GGA1: variants seen among roughly 807,000 people sequenced by gnomAD.
GGA1 encodes the protein golgi associated, gamma adaptin ear containing, ARF binding protein 1.
GGA1 carries 18 observed loss-of-function variants against 76.9 expected under a neutral mutation model. The observed-to-expected ratio is 0.23, with a 90% CI of 0.16 to 0.35. The LOEUF (loss-of-function observed/expected upper bound fraction) is 0.35, where lower values mean the gene tolerates loss of function less well. Ranked by LOEUF, GGA1 falls within the 10% of genes least tolerant of loss-of-function variation. The pLI is 1.00. For missense variants in GGA1, 755 were observed against 859.0 expected, an observed-to-expected ratio of 0.88 and a Z score of 1.51; for synonymous variants, 342 against 354.7, an observed-to-expected ratio of 0.96 and a Z score of 0.40.
At position 37,625,979 on chromosome 22, in the gene GGA1, C is replaced by G; in HGVS notation, c.1093+30C>G. On this transcript the variant is annotated intron_variant, in intron 11 of 16. Coordinates refer to ENST00000343632, the MANE Select transcript of GGA1 (RefSeq NM_013365.5). The surrounding 1 kb of genome is among the most constrained non-coding windows in gnomAD (Gnocchi z 4.1). Reference sequence around the variant, plus strand: ...GGAAGGGGCCAGGCCTGGAGGAGGGCGGGCTCAGCAGCAGATGGGGCATGA... The same window carrying G: ...GGAAGGGGCCAGGCCTGGAGGAGGGGGGGCTCAGCAGCAGATGGGGCATGA... 1.3e-6 allele frequency: 2 copies of G among 1,537,238 alleles called. No homozygotes were observed. Among genetic ancestry groups the G allele is most frequent in the Non-Finnish European group, 1.8e-6 (2 of 1,135,964 alleles).
In GGA1 at chr22:37,608,881, G is replaced by A. The variant is rs993474031; in HGVS notation, c.21G>A (p.Pro7=). Residue 7 remains proline (P), a synonymous_variant, in exon 1 of 17, where the codon CCG becomes CCA. Transcript: ENST00000343632. MEPAME[P]ETLEARINRA... is the part of the protein sequence containing the mutation. ...GGCGGATGGAGCCCGCGATGGAGCCGGAGACTCTGGAGGCGCGAATCAGTG... is the reference window on the plus strand; with the variant it reads ...GGCGGATGGAGCCCGCGATGGAGCCAGAGACTCTGGAGGCGCGAATCAGTG... 1.5e-6 allele frequency: 2 copies of A among 1,309,914 alleles called. No homozygotes were observed. The highest frequency in any genetic ancestry group is 2.8e-4 in the Middle Eastern group (1 of 3,612). 81.1% of individuals were successfully genotyped at this position (1,309,914 alleles called of 1,614,324 possible).
intron 13 of GGA1, chr22:37,630,524 G>A (rs914285024): frequency 1.4e-5 from 6 of 439,202 alleles, no homozygotes; most frequent in Non-Finnish European, 2.4e-5. Flanking sequence ...ATAGCCACAC[G>A]TGCCAGCCTT....
At chr22:37,626,082 C>A (rs755668325) in intron 11 of GGA1, 133 bp downstream of exon 11, 2 of 604,070 alleles carry the variant, frequency 3.3e-6, no homozygotes, top group Non-Finnish European at 5.3e-6. Flanking sequence ...GAGCATTAGG[C>A]CCACTTCACA....
At chr22:37,627,627 C>T (rs1357305979) in intron 11 of GGA1, among the ~76,000 whole-genome samples, 5 of 152,202 alleles carry the variant, frequency 3.3e-5, no homozygotes, top group African/African-American at 7.2e-5. Flanking sequence ...GGCCACCAGC[C>T]CCCAGCCAGC....
intron 14 of GGA1, among the ~76,000 whole-genome samples, chr22:37,631,554 C>T (rs980996007): frequency 6.6e-6 from 1 of 152,194 alleles, no homozygotes; most frequent in East Asian, 1.9e-4. Flanking sequence ...TCTATGAGCT[C>T]CCTGTGACCA....
chr22:37,609,487 C>T (rs189818449), intron 1 of GGA1: 10 of 197,416 alleles, frequency 5.1e-5, no homozygotes, highest in Non-Finnish European at 9.7e-5. Flanking sequence ...TTGGGAGAGT[C>T]TTAGACTCCA....
chr22:37,620,330 C>G lies in GGA1; in HGVS notation c.396C>G (p.Ile132Met). The G allele has an allele frequency of 6.2e-7, 1 of 1,613,948 alleles. No individual in the cohort carries two copies. Among genetic ancestry groups the G allele is most frequent in the Non-Finnish European group, 8.5e-7 (1 of 1,179,966 alleles). Residue 132 changes from isoleucine to methionine, a missense_variant, in exon 5 of 17, where the codon ATC becomes ATG. Ile to Met is a conservative substitution (Grantham distance 10). Transcript: ENST00000343632. ...TGGGCCTGCCCGAGGAGGTGAAAATCGCAGAGGCCTACCAGATGCTAAAGA... is the reference window on the plus strand; with the variant it reads ...TGGGCCTGCCCGAGGAGGTGAAAATGGCAGAGGCCTACCAGATGCTAAAGA... ...WTVGLPEEVK[I>M]AEAYQMLKKQ...
Position 37,620,286 on chromosome 22 carries a change from C to T in GGA1, c.352C>T (p.Leu118Phe). ...SEKVKNKILELLYSWTVGLPE... is the reference protein window; with the variant it reads ...SEKVKNKILEFLYSWTVGLPE... Reference sequence around the variant, plus strand: ...GAAGGTGAAGAACAAGATCTTGGAGCTCCTCTACAGCTGGACAGTGGGCCT... The same window carrying T: ...GAAGGTGAAGAACAAGATCTTGGAGTTCCTCTACAGCTGGACAGTGGGCCT... Residue 118 changes from leucine to phenylalanine, a missense_variant, in exon 5 of 17, where the codon CTC (leucine) becomes TTC (phenylalanine). By Grantham distance (22) the Leu-to-Phe change is conservative. Coordinates refer to ENST00000343632, the MANE Select transcript of GGA1 (RefSeq NM_013365.5). 6.2e-7 allele frequency: 1 copy of T among 1,613,758 alleles called. No individual in the cohort carries two copies.
At chr22:37,630,327 C>T (rs145544714) in intron 13 of GGA1, 157 bp downstream of exon 13, 7,614 of 598,348 alleles carry the variant, frequency 0.013, 87 homozygotes, top group Middle Eastern at 0.029. Flanking sequence ...CCTCTGGAAA[C>T]ACAACAGTGC....
chr22:37,630,420 G>C, intron 13 of GGA1: 1 of 518,426 alleles, frequency 1.9e-6, no homozygotes, highest in Non-Finnish European at 3.4e-6. Flanking sequence ...GGCCGGCAGA[G>C]GGGAGGACAC....
At chr22:37,613,263 T>C in intron 1 of GGA1, 1 of 678,738 alleles carries the variant, frequency 1.5e-6, no homozygotes, top group Non-Finnish European at 1.8e-6. Context: ...TTCCTGCCCA[T>C]ACAGCCATGC....
intron 11 of GGA1, chr22:37,626,719 A>T (rs1182869785): frequency 6.6e-6 from 1 of 152,290 alleles, no homozygotes; most frequent in African/African-American, 2.4e-5. Flanking sequence ...TGAAGAAGTG[A>T]TGGGGACCCG....
At position 37,618,448 on chromosome 22, in the gene GGA1, G is replaced by A. The variant is rs1929228379; in HGVS notation, c.205G>A (p.Val69Met). 6.2e-7 allele frequency: 1 copy of A among 1,605,880 alleles called. No individual in the cohort carries two copies. Among genetic ancestry groups the A allele is most frequent in the Non-Finnish European group, 8.5e-7 (1 of 1,172,650 alleles). The change falls in exon 4 of 17, where the codon GTG becomes ATG. Residue 69 changes from valine (V) to methionine (M), a missense_variant and splice_region_variant. Val to Met is a conservative substitution (Grantham distance 21, BLOSUM62 1). Coordinates refer to ENST00000343632, the MANE Select transcript of GGA1 (RefSeq NM_013365.5). ...QEWEAIQALT[V>M]LETCMKSCGK... ...CCTCCCATCCCCCCTCCCTGCACAG[G>A]TGCTGGAAACATGCATGAAGAGCTG...
At chr22:37,630,424 A>G in intron 13 of GGA1, 2 of 517,596 alleles carry the variant, frequency 3.9e-6, no homozygotes, top group Non-Finnish European at 3.4e-6. Flanking sequence ...GGCAGAGGGG[A>G]GGACACTGGG....
At chr22:37,610,062 T>G (rs939289641) in intron 1 of GGA1, 1 of 152,422 alleles carries the variant, frequency 6.6e-6, no homozygotes, top group South Asian at 2.1e-4. Flanking sequence ...CGCCTGGGTC[T>G]CAGCAGCAAC....
intron 11 of GGA1, chr22:37,626,152 G>T: frequency 2.4e-6 from 1 of 409,776 alleles, no homozygotes; most frequent in East Asian, 3.6e-5. Context: ...CGGCCAGAGG[G>T]TGAGGCTGGC....
At chr22:37,630,625 G>C (rs886433269) in intron 13 of GGA1, 15 of 508,882 alleles carry the variant, frequency 2.9e-5, no homozygotes, top group Admixed American at 1.2e-4. Context: ...GGAGTACAGT[G>C]GCATGATCTC....
In GGA1 at chr22:37,630,068, C is replaced by T. The variant is rs201565288; in HGVS notation, c.1229C>T (p.Ala410Val). 1.7e-4 allele frequency: 268 copies of T among 1,606,986 alleles called. No individual in the cohort carries two copies. Among genetic ancestry groups the T allele is most frequent in the Admixed American group, 5.5e-4 (33 of 59,890 alleles). ...CCCAGTATGGAAAGCCGACCCCCAG[C>T]GCAGACATCCCTGCCAGCAAGCAGC... is the stretch of plus-strand genomic sequence containing the variant. ...QAPSMESRPP[A>V]QTSLPASSGL... The change falls in exon 13 of 17, where the codon GCG becomes GTG. Residue 410 changes from alanine to valine, a missense_variant. By Grantham distance (64) the Ala-to-Val change is moderately conservative (BLOSUM62 0). Coordinates refer to ENST00000343632, the MANE Select transcript of GGA1 (RefSeq NM_013365.5).
At chr22:37,621,546 C>G in intron 6 of GGA1, 70 bp from the exon 7 acceptor site, 1 of 926,138 alleles carries the variant, frequency 1.1e-6, no homozygotes, top group Non-Finnish European at 1.7e-6. Context: ...GGGGAGCCAT[C>G]ATGTGACTCC....
Sources: allele counts gnomAD v4.1 joint callset (sites outside exome capture counted in the v4.1 genomes callset), GRCh38; gene constraint gnomAD v4.1.1; non-coding constraint Gnocchi (gnomAD v3.1); transcripts MANE v1.5; gene names NCBI Gene and HGNC (gene_info 2026-07-23, HGNC 2026-07-21).